Variants in PUM1 observed in about 807,000 individuals in gnomAD.
The protein encoded by PUM1 is pumilio homolog 1.
In PUM1, 13 loss-of-function variants were observed where a neutral mutation model predicts 131.8. The observed-to-expected ratio is 0.10, with a 90% confidence interval of 0.06 to 0.16. The LOEUF (loss-of-function observed/expected upper bound fraction) is 0.16. Among genes scored for constraint, PUM1 ranks in the 10% least tolerant of loss-of-function variants. The probability of loss-of-function intolerance (pLI) is 1.00; values close to 1 mark genes in which losing one functional copy is unlikely to be tolerated. For missense variants in PUM1, 961 were observed against 1,512.4 expected (o/e 0.64, Z 6.05); for synonymous variants, 509 against 556.5 (o/e 0.91, Z 1.20).
chr1:31,004,269 TC>T (rs1642320719), intron 5 of PUM1, among the ~76,000 whole-genome samples: 1 of 152,216 alleles, frequency 6.6e-6, no homozygotes, highest in Non-Finnish European at 1.5e-5. Flanking sequence ...TTTTTCTGCC[TC>T]CTACAAGCTT....
intron 2 of PUM1, among the ~76,000 whole-genome samples, chr1:31,039,619 G>A (rs1643753913): frequency 6.6e-6 from 1 of 152,204 alleles, no homozygotes; most frequent in Non-Finnish European, 1.5e-5. Flanking sequence ...AAAGATGTTA[G>A]GCTGGACCCA....
At chr1:31,061,752 A>G (rs1275319014) in intron 1 of PUM1, 1 of 152,278 alleles carries the variant, frequency 6.6e-6, no homozygotes, top group Non-Finnish European at 1.5e-5. Context: ...TGAGCCCAGG[A>G]GTTCAAGACC....
chr1:30,942,404 T>G lies in PUM1; in HGVS notation c.2995-281A>C, dbSNP rs147026486. 3.1e-3 allele frequency among the ~76,000 whole-genome samples: 469 copies of G among 151,494 alleles called. 1 individual carries two copies. The highest frequency in any genetic ancestry group is 0.011 in the African/African-American group (447 of 41,172). ...CTTTTCCAAGCCGCCAAGAAACAGA[T>G]AGCTAGTCAAAGTCATGAAAAACAC... is the stretch of plus-strand genomic sequence containing the variant. On this transcript the variant is annotated intron_variant, in intron 18 of 21. Coordinates refer to ENST00000426105, the MANE Select transcript of PUM1 (RefSeq NM_001020658.2).
chr1:30,997,450 A>T (rs1209666831), intron 5 of PUM1, among the ~76,000 whole-genome samples: 1 of 151,418 alleles, frequency 6.6e-6, no homozygotes, highest in South Asian at 2.1e-4. Flanking sequence ...GTGAGCCAAG[A>T]TCACACCATT....
At chr1:31,028,902 A>G in intron 2 of PUM1, 38 bp from the exon 3 acceptor site, 2 of 1,536,266 alleles carry the variant, frequency 1.3e-6, no homozygotes, top group Non-Finnish European at 1.8e-6. Context: ...TCTTCAAGTC[A>G]GCATCTTGAA....
chr1:31,050,729 C>T (rs1166048367), intron 2 of PUM1: 1 of 153,812 alleles, frequency 6.5e-6, no homozygotes, highest in African/African-American at 2.4e-5. Flanking sequence ...AACAGAAAGA[C>T]ATTTCTAGGG....
intron 2 of PUM1, among the ~76,000 whole-genome samples, chr1:31,044,044 G>A (rs1643897751): frequency 1.3e-5 from 2 of 151,994 alleles, no homozygotes; most frequent in Non-Finnish European, 2.9e-5. Context: ...AAGAAAAAAA[G>A]GCCCATCAAC....
At chr1:31,032,420 C>T (rs79100224) in intron 2 of PUM1, among the ~76,000 whole-genome samples, 114 of 152,212 alleles carry the variant, frequency 7.5e-4, no homozygotes, top group African/African-American at 2.6e-3. Flanking sequence ...AGAGTAAATG[C>T]TCCCATCAAG....
intron 2 of PUM1, among the ~76,000 whole-genome samples, chr1:31,054,607 G>A (rs533526574): frequency 1.4e-5 from 2 of 145,490 alleles, no homozygotes; most frequent in East Asian, 2.1e-4. Context: ...ACTTTATATT[G>A]AGTCATTCTG....
intron 2 of PUM1, among the ~76,000 whole-genome samples, chr1:31,052,696 T>C (rs1644140748): frequency 6.6e-6 from 1 of 150,672 alleles, no homozygotes; most frequent in Non-Finnish European, 1.5e-5. Flanking sequence ...TCCATATCCA[T>C]TATCTTTTTT....
chr1:31,001,559 G>GC (rs200916619), intron 5 of PUM1, among the ~76,000 whole-genome samples: 20 of 152,168 alleles, frequency 1.3e-4, no homozygotes, highest in African/African-American at 4.6e-4. Flanking sequence ...TTTGAATTCA[G>GC]CCCCCCATTT....
intron 3 of PUM1, among the ~76,000 whole-genome samples, chr1:31,013,837 G>GAGATAGT (rs1180410067): frequency 6.6e-6 from 1 of 152,170 alleles, no homozygotes; most frequent in East Asian, 1.9e-4. Flanking sequence ...GAAATCAAGT[G>GAGATAGT]AGATAGTATA....
Position 30,969,241 on chromosome 1 carries a change from T to C in PUM1, c.1507-749A>G, listed in dbSNP as rs1175805829. Among the ~76,000 whole-genome samples, 25 of 144,532 alleles carry C rather than the reference T, an allele frequency of 1.7e-4. No homozygotes were observed. In the Admixed American group the frequency reaches 1.8e-3, roughly 10 times the overall value. The allele number at this position is 144,532 out of a possible 152,430, so 94.8% of individuals were successfully genotyped here. A position where few individuals can be genotyped will look rare whatever the true frequency, so the allele number is the denominator to read the frequency against. On this transcript the variant is annotated intron_variant, in intron 10 of 21. Transcript: ENST00000426105. ...ATCACTTGAACCTGGGAGGCGGAGG[T>C]TGCAGTGAGCTGAGATCGAGACACT...
intron 10 of PUM1, among the ~76,000 whole-genome samples, chr1:30,972,266 A>G (rs1182470576): frequency 0.013 from 72 of 5,544 alleles, no homozygotes; most frequent in African/African-American, 0.018. Flanking sequence ...AAGAAAAGAA[A>G]AGAAGGGAAG....
chr1:30,946,675 T>C (rs1639689793), intron 17 of PUM1, among the ~76,000 whole-genome samples: 1 of 148,954 alleles, frequency 6.7e-6, no homozygotes, highest in Admixed American at 6.7e-5. Flanking sequence ...TATACTTATA[T>C]ACATATATAT....
In PUM1 at chr1:31,028,884, A is replaced by C; in HGVS notation, c.364-20T>G. 6.2e-7 allele frequency: 1 copy of C among 1,600,050 alleles called. No individual in the cohort carries two copies. The highest frequency in any genetic ancestry group is 8.6e-7 in the Non-Finnish European group (1 of 1,167,626). ...ACGCACCTATTGTTTAGAATAGAGAAGGAAAAATCTTCAAGTCAGCATCTT... is the reference window on the plus strand; with the variant it reads ...ACGCACCTATTGTTTAGAATAGAGACGGAAAAATCTTCAAGTCAGCATCTT... On this transcript the variant is annotated intron_variant, in intron 2 of 21. Transcript: ENST00000426105.
intron 3 of PUM1, among the ~76,000 whole-genome samples, chr1:31,018,547 A>G (rs1642907050): frequency 1.3e-5 from 2 of 152,128 alleles, no homozygotes; most frequent in Admixed American, 1.3e-4. Context: ...AGTCCCTGCT[A>G]CTTGGGAGGC....
At chr1:30,993,387 G>T (rs1641869522) in intron 6 of PUM1, among the ~76,000 whole-genome samples, 1 of 149,916 alleles carries the variant, frequency 6.7e-6, no homozygotes, top group South Asian at 2.1e-4. Context: ...ATTATTGTAG[G>T]ACACAAGGTT....
chr1:31,028,764 G>C, intron 3 of PUM1, 32 bp downstream of exon 3: 1 of 1,561,112 alleles, frequency 6.4e-7, no homozygotes, highest in Non-Finnish European at 8.8e-7. Context: ...CTTAAAAACA[G>C]ACCCACTTTT....
Sources: allele counts gnomAD v4.1 joint callset (sites outside exome capture counted in the v4.1 genomes callset), GRCh38; gene constraint gnomAD v4.1.1; transcripts MANE v1.5; gene names NCBI Gene and HGNC (gene_info 2026-07-23, HGNC 2026-07-21).